CELA2A: variants seen among roughly 807,000 people sequenced by gnomAD.
CELA2A encodes the protein chymotrypsin like elastase 2A.
In CELA2A, 31 loss-of-function variants were observed where a neutral mutation model predicts 35.3. The ratio of observed to expected loss-of-function variants is 0.88; its 90% confidence interval spans 0.66 to 1.19. The LOEUF (loss-of-function observed/expected upper bound fraction) is 1.19, where lower values mean the gene tolerates loss of function less well. CELA2A is among the 50% of genes most tolerant of loss of function. The probability of loss-of-function intolerance (pLI) is 0.00; values close to 1 mark genes in which losing one functional copy is unlikely to be tolerated. For missense variants in CELA2A, 330 were observed against 352.9 expected (o/e 0.94, Z 0.52); for synonymous variants, 150 against 149.8 (o/e 1.00, Z -0.01).
intron 1 of CELA2A, 94 bp from the exon 2 acceptor site, chr1:15,456,992 G>A: frequency 7.3e-7 from 1 of 1,363,948 alleles, no homozygotes; most frequent in Non-Finnish European, 1.0e-6. Context: ...CTAGAACAAG[G>A]GTTTTCTATT....
chr1:15,463,237 C>T (rs1708464270), intron 4 of CELA2A, 149 bp from the exon 5 acceptor site: 5 of 1,240,352 alleles, frequency 4.0e-6, no homozygotes, highest in Non-Finnish European at 5.6e-6. Flanking sequence ...AGGCCCTCTG[C>T]ATTTTCAAAC....
At chr1:15,463,321 C>A in intron 4 of CELA2A, 65 bp from the exon 5 acceptor site, 8 of 1,608,374 alleles carry the variant, frequency 5.0e-6, no homozygotes, top group Non-Finnish European at 6.8e-6. Context: ...TCTCCAAGCC[C>A]TCCAAAGCCC....
Position 15,462,862 on chromosome 1 carries a change from G to A in CELA2A, c.356+1G>A, listed in dbSNP as rs757901311. Reference sequence around the variant, plus strand: ...GGAACTCCAACCAAATCTCCAAAGGGTTCGTTTCTGTCTGGGTGCACTTGG... The same window carrying A: ...GGAACTCCAACCAAATCTCCAAAGGATTCGTTTCTGTCTGGGTGCACTTGG... On this transcript the variant is annotated splice_donor_variant, in intron 4 of 7. Coordinates refer to ENST00000359621, the MANE Select transcript of CELA2A (RefSeq NM_033440.3). LOFTEE classifies it high-confidence loss of function. 39 of 1,613,998 alleles carry A rather than the reference G, an allele frequency of 2.4e-5. No homozygotes were observed. The Middle Eastern group carries it at 4.9e-4, about 20-fold the overall frequency.
chr1:15,466,701 G>T (rs1708522674), intron 6 of CELA2A, among the ~76,000 whole-genome samples: 1 of 152,146 alleles, frequency 6.6e-6, no homozygotes, highest in South Asian at 2.1e-4. Context: ...CTGTCACTAT[G>T]TATCCTTTCC....
intron 6 of CELA2A, 144 bp from the exon 7 acceptor site, chr1:15,467,242 G>A (rs1708530681): frequency 5.2e-6 from 4 of 767,368 alleles, no homozygotes; most frequent in Non-Finnish European, 8.6e-6. Context: ...TGGAATTATG[G>A]TACCACCTTG....
At chr1:15,468,068 G>T (rs112345628) in intron 7 of CELA2A, among the ~76,000 whole-genome samples, 1 of 142,888 alleles carries the variant, frequency 7.0e-6, no homozygotes. Flanking sequence ...CTCCAGCCTG[G>T]ACAAGAAGAG....
chr1:15,459,849 G>A (rs1708408913), intron 2 of CELA2A, among the ~76,000 whole-genome samples: 1 of 151,412 alleles, frequency 6.6e-6, no homozygotes, highest in East Asian at 1.9e-4. Context: ...AGGAACAGTG[G>A]CACACACCTT....
At chr1:15,461,393 G>A (rs145702337) in intron 2 of CELA2A, among the ~76,000 whole-genome samples, 168 bp from the exon 3 acceptor site, 13 of 152,294 alleles carry the variant, frequency 8.5e-5, no homozygotes, top group African/African-American at 2.6e-4. Flanking sequence ...GCATTAACAC[G>A]TTTTTTATCT....
chr1:15,466,697 C>T (rs1011039322), intron 6 of CELA2A, among the ~76,000 whole-genome samples: 32 of 152,190 alleles, frequency 2.1e-4, no homozygotes. Flanking sequence ...GTGACTGTCA[C>T]TATGTATCCT....
rs543011712 is a variant in CELA2A at position 15,469,132 on chromosome 1, C to T, written c.792+1594C>T. ...GGTGGAGGTTGCAGTAACCCGAGTTCGCACCACTGCACTCCAGCCTGGGCG... is the reference window on the plus strand; with the variant it reads ...GGTGGAGGTTGCAGTAACCCGAGTTTGCACCACTGCACTCCAGCCTGGGCG... On this transcript the variant is annotated intron_variant, in intron 7 of 7. Transcript: ENST00000359621. Among the ~76,000 whole-genome samples, 3 of 152,110 alleles carry T rather than the reference C, an allele frequency of 2.0e-5. No homozygotes were observed. In the East Asian group the frequency reaches 5.8e-4, roughly 29 times the overall value.
At position 15,457,140 on chromosome 1, in the gene CELA2A, G is replaced by A. The variant is rs141054253; in HGVS notation, c.95G>A (p.Gly32Asp). The change falls in exon 2 of 8, where the codon GGT (glycine) becomes GAT (aspartate). Residue 32 changes from glycine (G) to aspartate (D), a missense_variant. Transcript: ENST00000359621. ...YPPYVTRVVG[G>D]EEARPNSWPW... is the part of the protein sequence containing the mutation. ...CCTTATGTGACTAGGGTGGTTGGCG[G>A]TGAAGAAGCGAGGCCCAACAGCTGG... 535 of 1,614,060 alleles carry A rather than the reference G, an allele frequency of 3.3e-4. No individual in the cohort carries two copies. Among genetic ancestry groups the A allele is most frequent in the Non-Finnish European group, 4.2e-4 (492 of 1,180,044 alleles).
Position 15,463,015 on chromosome 1 carries a change from A to C in CELA2A, c.356+154A>C, listed in dbSNP as rs1260388830. 40 of 1,209,684 alleles carry C rather than the reference A, an allele frequency of 3.3e-5. No homozygotes were observed. In the East Asian group the frequency reaches 8.7e-4, roughly 26 times the overall value. The allele number at this position is 1,209,684 out of a possible 1,614,324, so 74.9% of individuals were successfully genotyped here. On this transcript the variant is annotated intron_variant, in intron 4 of 7. Transcript: ENST00000359621. The stretch of plus-strand genomic sequence containing the variant: ...GCCTCTTAGATGTGGAACCAGCTCC[A>C]AAGATGTCTGGGGTGGGGATGTGAC...
chr1:15,462,563 G>C (rs577722497), intron 3 of CELA2A, among the ~76,000 whole-genome samples, 170 bp from the exon 4 acceptor site: 4 of 152,184 alleles, frequency 2.6e-5, no homozygotes, highest in South Asian at 2.1e-4. Flanking sequence ...ATAGTTCTTA[G>C]GTTATATACT....
intron 2 of CELA2A, 159 bp downstream of exon 2, chr1:15,457,333 T>C: frequency 1.5e-6 from 1 of 687,118 alleles, no homozygotes; most frequent in Non-Finnish European, 2.5e-6. Flanking sequence ...TATTTCCGGC[T>C]GGGCGCAGTG....
chr1:15,462,687 C>T, intron 3 of CELA2A, 46 bp from the exon 4 acceptor site: 1 of 1,609,162 alleles, frequency 6.2e-7, no homozygotes, highest in Non-Finnish European at 8.5e-7. Flanking sequence ...TTATCCAAAG[C>T]CAGGCCTCTG....
chr1:15,462,231 C>A (rs1472239584), intron 3 of CELA2A: 2 of 469,400 alleles, frequency 4.3e-6, no homozygotes, highest in Non-Finnish European at 8.8e-6. Flanking sequence ...GACTCCCTAC[C>A]AGGAGTGATC....
At position 15,463,289 on chromosome 1, in the gene CELA2A, G is replaced by A. The variant is rs1204265138; in HGVS notation, c.357-97G>A. 16 of 1,567,694 alleles carry A rather than the reference G, an allele frequency of 1.0e-5. No homozygotes were observed. The South Asian group carries it at 1.2e-4, about 11-fold the overall frequency. The stretch of plus-strand genomic sequence containing the variant: ...CCAGTCAGAGCAACCTGGGGTAACA[G>A]GGTACAGGGAAGATGACAAGGTCTC... On this transcript the variant is annotated intron_variant, in intron 4 of 7. Coordinates refer to ENST00000359621, the MANE Select transcript of CELA2A (RefSeq NM_033440.3).
intron 7 of CELA2A, among the ~76,000 whole-genome samples, 158 bp from the exon 8 acceptor site, chr1:15,471,832 T>C (rs1342311771): frequency 6.6e-6 from 1 of 152,122 alleles, no homozygotes; most frequent in Non-Finnish European, 1.5e-5. Context: ...ACATCTTTTT[T>C]TCCGAAACGT....
intron 5 of CELA2A, among the ~76,000 whole-genome samples, chr1:15,465,156 C>T (rs1305484871): frequency 2.6e-5 from 4 of 151,720 alleles, no homozygotes; most frequent in Non-Finnish European, 4.4e-5. Context: ...GCATTATAGG[C>T]GAGTGCCACC....
Sources: gnomAD v4.1 joint callset for allele counts (sites outside exome capture counted in the v4.1 genomes callset) on GRCh38, gnomAD v4.1.1 for gene constraint, MANE v1.5 for transcripts, NCBI Gene and HGNC (gene_info 2026-07-23, HGNC 2026-07-21) for gene names.